THSD7B: variants seen among roughly 807,000 people sequenced by gnomAD.
THSD7B encodes the protein thrombospondin type 1 domain containing 7B, also known as thrombospondin type-1 domain-containing protein 7B.
In THSD7B, 138 loss-of-function variants were observed where a neutral mutation model predicts 213.6. The ratio of observed to expected loss-of-function variants is 0.65; its 90% CI spans 0.56 to 0.74. The LOEUF is 0.74. THSD7B is among the 30% of genes least tolerant of loss of function. THSD7B has a pLI of 0.00. For missense variants in THSD7B, 1,931 were observed against 1,991.5 expected, an observed-to-expected ratio of 0.97 and a Z score of 0.58; for synonymous variants, 742 against 687.0, an observed-to-expected ratio of 1.08 and a Z score of -1.25.
At chr2:137,224,923 AT>A (rs1349916775) in intron 7 of THSD7B, among the ~76,000 whole-genome samples, 2 of 151,894 alleles carry the variant, frequency 1.3e-5, no homozygotes, top group East Asian at 1.9e-4. Context: ...ATTTGGAAAT[AT>A]TTTTTTCTTA....
chr2:137,291,577 T>G (rs962746439), intron 12 of THSD7B, among the ~76,000 whole-genome samples: 5 of 152,106 alleles, frequency 3.3e-5, no homozygotes, highest in Non-Finnish European at 7.3e-5. Context: ...AATGCAGAAA[T>G]TATAACACAT....
intron 3 of THSD7B, among the ~76,000 whole-genome samples, chr2:137,091,511 A>T (rs1349491456): frequency 6.6e-6 from 1 of 151,484 alleles, no homozygotes; most frequent in Non-Finnish European, 1.5e-5. Flanking sequence ...ATTTTATTTT[A>T]TTTTATTTTA....
At chr2:137,451,351 T>C (rs1687648710) in intron 15 of THSD7B, among the ~76,000 whole-genome samples, 1 of 151,628 alleles carries the variant, frequency 6.6e-6, no homozygotes, top group Admixed American at 6.6e-5. Context: ...TATGTCTAAA[T>C]ATATACATAT....
At position 137,474,529 on chromosome 2, in the gene THSD7B, G is replaced by T. The variant is rs191914627; in HGVS notation, c.3138+23506G>T. On this transcript the variant is annotated intron_variant, in intron 15 of 27. Transcript: ENST00000409968. ...ACAAGAAGTGTTTCTTTATTTTCTT[G>T]TTAGCTCTCTTTTAGTTTAAACCTC... Among the ~76,000 whole-genome samples the T allele has an allele frequency of 4.0e-4, 61 of 152,240 alleles. 1 individual carries two copies. In the East Asian group the frequency reaches 4.1e-3, roughly 10 times the overall value.
chr2:136,970,133 A>G (rs1685381085), intron 2 of THSD7B, among the ~76,000 whole-genome samples: 1 of 152,306 alleles, frequency 6.6e-6, no homozygotes, highest in East Asian at 1.9e-4. Context: ...AATAACATAG[A>G]AGAAATAAAA....
At chr2:137,658,634 C>A (rs1465839124) in intron 24 of THSD7B, among the ~76,000 whole-genome samples, 4 of 152,104 alleles carry the variant, frequency 2.6e-5, no homozygotes, top group Non-Finnish European at 5.9e-5. Flanking sequence ...GTGGTTATTG[C>A]CACTAACACC....
At chr2:137,568,672 A>G (rs1681290051) in intron 16 of THSD7B, among the ~76,000 whole-genome samples, 1 of 152,164 alleles carries the variant, frequency 6.6e-6, no homozygotes, top group African/African-American at 2.4e-5. Flanking sequence ...CAGCACAGGA[A>G]AAACTGCCAT....
chr2:136,970,331 G>A (rs1685384759), intron 2 of THSD7B, among the ~76,000 whole-genome samples: 2 of 151,984 alleles, frequency 1.3e-5, no homozygotes. Context: ...AGGCCTGGTG[G>A]CACGAGCCTG....
At chr2:137,273,177 C>A (rs12623037) in intron 11 of THSD7B, among the ~76,000 whole-genome samples, 4,075 of 151,866 alleles carry the variant, frequency 0.027, 106 homozygotes, top group Middle Eastern at 0.095. Flanking sequence ...TTTTTTGGTT[C>A]TCAATTTTTG....
intron 3 of THSD7B, among the ~76,000 whole-genome samples, chr2:137,073,022 A>G: frequency 6.6e-6 from 1 of 151,940 alleles, no homozygotes; most frequent in Non-Finnish European, 1.5e-5. Context: ...TTTATTGAGG[A>G]TTTTTGCATC....
At chr2:137,218,619 A>G (rs2105041955) in intron 7 of THSD7B, among the ~76,000 whole-genome samples, 1 of 152,228 alleles carries the variant, frequency 6.6e-6, no homozygotes, top group South Asian at 2.1e-4. Flanking sequence ...ATACTACATT[A>G]AAGGAAATTA....
intron 2 of THSD7B, among the ~76,000 whole-genome samples, chr2:136,884,038 T>C (rs1219152985): frequency 1.3e-5 from 2 of 152,222 alleles, no homozygotes; most frequent in Non-Finnish European, 2.9e-5. Flanking sequence ...AAAGCTCCAA[T>C]GTATCCCTTT....
At chr2:136,801,015 A>C (rs1682168824) in intron 1 of THSD7B, among the ~76,000 whole-genome samples, 1 of 151,912 alleles carries the variant, frequency 6.6e-6, no homozygotes, top group African/African-American at 2.4e-5. Flanking sequence ...GTAGACCTGG[A>C]GTTTTTTTTT....
At chr2:136,927,824 C>G (rs1198734868) in intron 2 of THSD7B, among the ~76,000 whole-genome samples, 1 of 152,196 alleles carries the variant, frequency 6.6e-6, no homozygotes, top group African/African-American at 2.4e-5. Flanking sequence ...ATTTTTGACA[C>G]TAGTTACTGC....
intron 6 of THSD7B, among the ~76,000 whole-genome samples, chr2:137,166,115 A>G (rs1402607784): frequency 6.6e-6 from 1 of 152,180 alleles, no homozygotes; most frequent in African/African-American, 2.4e-5. Context: ...TTCAGAGTAC[A>G]TTAGAAAATC....
At position 137,572,388 on chromosome 2, in the gene THSD7B, T is replaced by C; in HGVS notation, c.3273-18T>C. On this transcript the variant is annotated intron_variant, in intron 16 of 27. Coordinates refer to ENST00000409968, the MANE Select transcript of THSD7B (RefSeq NM_001316349.2). ...ACTGTTTTAAATAATCAAACTATCTTGTGACCTTGCTTTACAGATGTGTGA... is the reference window on the plus strand; with the variant it reads ...ACTGTTTTAAATAATCAAACTATCTCGTGACCTTGCTTTACAGATGTGTGA... 1 of 1,613,544 alleles carries C rather than the reference T, an allele frequency of 6.2e-7. No homozygotes were observed. The highest frequency in any genetic ancestry group is 1.7e-5 in the Admixed American group (1 of 59,962).
At chr2:136,979,960 T>C (rs759108439) in intron 2 of THSD7B, among the ~76,000 whole-genome samples, 2 of 152,216 alleles carry the variant, frequency 1.3e-5, no homozygotes, top group South Asian at 2.1e-4. Flanking sequence ...TGTGGGTTTT[T>C]TTGTTGATGT....
intron 2 of THSD7B, among the ~76,000 whole-genome samples, chr2:136,976,381 G>C (rs546131107): frequency 6.6e-6 from 1 of 152,270 alleles, no homozygotes; most frequent in South Asian, 2.1e-4. Flanking sequence ...AACATGAAGG[G>C]ATGTTGAATT....
intron 9 of THSD7B, among the ~76,000 whole-genome samples, 157 bp from the exon 10 acceptor site, chr2:137,242,300 C>T (rs916320515): frequency 2.0e-4 from 31 of 152,124 alleles, no homozygotes; most frequent in East Asian, 1.9e-4. Context: ...CAGCTTTGAG[C>T]GCTTGGGCAA....
Sources: gnomAD v4.1 joint callset for allele counts (sites outside exome capture counted in the v4.1 genomes callset) on GRCh38, gnomAD v4.1.1 for gene constraint, MANE v1.5 for transcripts, NCBI Gene and HGNC (gene_info 2026-07-23, HGNC 2026-07-21) for gene names.